ADD3: variants seen among roughly 807,000 people sequenced by gnomAD.
ADD3 encodes gamma-adducin.
A neutral mutation model predicts 80.2 loss-of-function variants in ADD3; 25 were observed. The ratio of observed to expected loss-of-function variants is 0.31; its 90% CI spans 0.23 to 0.44. ADD3 has a LOEUF of 0.44. Among genes scored for constraint, ADD3 ranks in the 20% least tolerant of loss-of-function variants. The probability of loss-of-function intolerance (pLI) is 1.00; values close to 1 mark genes in which losing one functional copy is unlikely to be tolerated. For missense variants in ADD3, 829 were observed against 847.5 expected, an observed-to-expected ratio of 0.98 and a Z score of 0.27; for synonymous variants, 284 against 289.6, an observed-to-expected ratio of 0.98 and a Z score of 0.20.
intron 1 of ADD3, among the ~76,000 whole-genome samples, chr10:110,091,727 C>CA (rs1398044740): frequency 2.6e-5 from 4 of 151,618 alleles, no homozygotes; most frequent in Admixed American, 1.3e-4. Context: ...AAAGCAATTG[C>CA]AAAAAAACAA....
chr10:110,040,067 G>A (rs564003849), intron 1 of ADD3, among the ~76,000 whole-genome samples: 2 of 152,238 alleles, frequency 1.3e-5, no homozygotes, highest in Non-Finnish European at 2.9e-5. Flanking sequence ...TACAGCGTGA[G>A]AAGGGACTAC....
chr10:110,120,657 C>G (rs1851376757), intron 8 of ADD3, among the ~76,000 whole-genome samples: 2 of 152,154 alleles, frequency 1.3e-5, no homozygotes, highest in African/African-American at 4.8e-5. Context: ...ACACTGACTT[C>G]CACAATGGTT....
At chr10:110,013,510 A>G (rs768674761) in intron 1 of ADD3, among the ~76,000 whole-genome samples, 50 of 152,208 alleles carry the variant, frequency 3.3e-4, no homozygotes, top group Non-Finnish European at 6.2e-4. Flanking sequence ...AGGTAAAAAC[A>G]CTTCTGAGAA....
chr10:110,083,193 G>A (rs1846280963), intron 1 of ADD3, among the ~76,000 whole-genome samples: 1 of 152,184 alleles, frequency 6.6e-6, no homozygotes, highest in South Asian at 2.1e-4. Flanking sequence ...CTAAGATGGA[G>A]GAACTTAGGA....
chr10:110,110,785 AG>A (rs1849913938), intron 2 of ADD3, among the ~76,000 whole-genome samples: 1 of 151,976 alleles, frequency 6.6e-6, no homozygotes, highest in Admixed American at 6.6e-5. Flanking sequence ...ACTTGAGGAC[AG>A]GAGTTTGAGA....
chr10:110,025,427 A>G (rs984867473), intron 1 of ADD3, among the ~76,000 whole-genome samples: 1 of 152,160 alleles, frequency 6.6e-6, no homozygotes, highest in African/African-American at 2.4e-5. Flanking sequence ...CCATGGTTCA[A>G]TTAAAAGCAA....
intron 8 of ADD3, 74 bp from the exon 9 acceptor site, chr10:110,122,036 G>C (rs1851571437): frequency 1.5e-6 from 2 of 1,324,084 alleles, no homozygotes; most frequent in Non-Finnish European, 2.1e-6. Flanking sequence ...TTGAAATTGT[G>C]CCTTTTTGAA....
intron 1 of ADD3, among the ~76,000 whole-genome samples, chr10:110,045,353 CAAA>C (rs772764388): frequency 7.0e-6 from 1 of 142,024 alleles, no homozygotes; most frequent in Non-Finnish European, 1.5e-5. Context: ...GACTCTGTCT[CAAA>C]AAAAAAAAGA....
At chr10:110,013,178 C>A (rs1240975438) in intron 1 of ADD3, among the ~76,000 whole-genome samples, 2 of 152,192 alleles carry the variant, frequency 1.3e-5, no homozygotes, top group Non-Finnish European at 2.9e-5. Context: ...CCTCGGCACA[C>A]TGCAACCTCT....
At chr10:110,103,124 T>C (rs1849019787) in intron 2 of ADD3, among the ~76,000 whole-genome samples, 1 of 152,234 alleles carries the variant, frequency 6.6e-6, no homozygotes, top group South Asian at 2.1e-4. Flanking sequence ...CTTAAGAAAG[T>C]GTATACATTT....
At position 110,119,413 on chromosome 10, in the gene ADD3, A is replaced by T. The variant is rs543910414; in HGVS notation, c.862-53A>T. The T allele has an allele frequency of 6.1e-5, 99 of 1,613,340 alleles. No individual in the cohort carries two copies. The South Asian group carries it at 9.8e-4, about 16-fold the overall frequency. On this transcript the variant is annotated intron_variant, in intron 7 of 14. Transcript: ENST00000356080. ...TGTTGCTGCTGCTGTTGATGAAAAC[A>T]GTGTGAGCTATGCCAGTTATTTCAA...
At chr10:110,125,552 G>A (rs1025649549) in intron 10 of ADD3, among the ~76,000 whole-genome samples, 1 of 151,908 alleles carries the variant, frequency 6.6e-6, no homozygotes, top group African/African-American at 2.4e-5. Flanking sequence ...AGTAGTTTCA[G>A]CATCATATTT....
chr10:110,008,282 C>T lies in ADD3; in HGVS notation c.-47C>T, dbSNP rs1851869964. The T allele has an allele frequency of 6.6e-6, 1 of 152,254 alleles. No homozygotes were observed. Among genetic ancestry groups the T allele is most frequent in the Admixed American group, 6.5e-5 (1 of 15,290 alleles). The allele number at this position is 152,254 out of a possible 1,614,324, so 9.4% of individuals were successfully genotyped here. On this transcript the variant is annotated 5_prime_UTR_variant, in exon 1 of 15. Coordinates refer to ENST00000356080, the MANE Select transcript of ADD3 (RefSeq NM_016824.5). ...AGAAGGAGGGAGGGGAAACACAAAG[C>T]CGGCTACGCGCTGCGAGGTAATCTT...
At chr10:110,030,379 A>G (rs978036555) in intron 1 of ADD3, among the ~76,000 whole-genome samples, 1 of 151,268 alleles carries the variant, frequency 6.6e-6, no homozygotes, top group African/African-American at 2.4e-5. Flanking sequence ...TTCTCCACCA[A>G]TTTCTGAAAC....
At chr10:110,076,524 G>A (rs1013326100) in intron 1 of ADD3, among the ~76,000 whole-genome samples, 3 of 152,066 alleles carry the variant, frequency 2.0e-5, no homozygotes, top group Admixed American at 1.3e-4. Context: ...ATAATAAAAC[G>A]TTTTTATTGT....
chr10:110,106,038 A>G (rs926121098), intron 2 of ADD3: 1 of 152,128 alleles, frequency 6.6e-6, no homozygotes, highest in African/African-American at 2.4e-5. Flanking sequence ...TACATTTCTT[A>G]ATGGAGAAAT....
intron 1 of ADD3, among the ~76,000 whole-genome samples, chr10:110,063,493 T>C (rs1016787795): frequency 1.3e-4 from 20 of 151,850 alleles, no homozygotes; most frequent in African/African-American, 4.8e-4. Flanking sequence ...TATAAGAAAT[T>C]GGATACGAAA....
intron 1 of ADD3, among the ~76,000 whole-genome samples, chr10:109,998,521 A>G (rs1006779215): frequency 6.6e-6 from 1 of 152,146 alleles, no homozygotes; most frequent in African/African-American, 2.4e-5. Context: ...AGCAGCCAGG[A>G]AATTCCAAAA....
At chr10:110,117,971 G>A (rs937386680) in intron 5 of ADD3, among the ~76,000 whole-genome samples, 2 of 149,066 alleles carry the variant, frequency 1.3e-5, no homozygotes, top group Admixed American at 6.8e-5. Context: ...AGCCAAGATC[G>A]CACCATTGCA....
Sources: allele counts gnomAD v4.1 joint callset (sites outside exome capture counted in the v4.1 genomes callset), GRCh38; gene constraint gnomAD v4.1.1; transcripts MANE v1.5; gene names NCBI Gene and HGNC (gene_info 2026-07-23, HGNC 2026-07-21).